SESTD1: variants seen among roughly 807,000 people sequenced by gnomAD.
SESTD1 encodes SEC14 and spectrin domain containing 1, also known as SEC14 domain and spectrin repeat-containing protein 1.
SESTD1 carries 43 observed loss-of-function variants against 101.7 expected under a neutral mutation model. The ratio of observed to expected loss-of-function variants is 0.42; its 90% CI spans 0.33 to 0.55. The LOEUF is 0.55. Ranked by LOEUF, SESTD1 falls within the 20% of genes least tolerant of loss-of-function variation. SESTD1 has a pLI of 0.07. For synonymous variants in SESTD1, 283 were observed against 286.8 expected (o/e 0.99, Z 0.13); for missense variants, 647 against 815.1 (o/e 0.79, Z 2.51).
rs1253335721 is a variant in SESTD1, at chr2:179,202,559, G to T, written c.-25-10693C>A. Among the ~76,000 whole-genome samples, 7 of 134,562 alleles carry T rather than the reference G, an allele frequency of 5.2e-5. 2 individuals carry two copies. The highest frequency in any genetic ancestry group is 1.4e-4 in the Admixed American group (2 of 13,882). The allele number at this position is 134,562 out of a possible 152,430, so 88.3% of individuals were successfully genotyped here. On this transcript the variant is annotated intron_variant, in intron 1 of 17. Coordinates refer to ENST00000428443, the MANE Select transcript of SESTD1 (RefSeq NM_178123.5). ...CTCCCCTGCTGAACACATACTTTCT[G>T]TGTCTAATTAAATTCAAACACTTTT...
chr2:179,216,839 A>G (rs2046728157), intron 1 of SESTD1, among the ~76,000 whole-genome samples: 1 of 135,608 alleles, frequency 7.4e-6, no homozygotes. Context: ...CACATCTACA[A>G]CCATCTGATC....
chr2:179,152,852 C>T (rs2045556842), intron 5 of SESTD1, among the ~76,000 whole-genome samples: 1 of 151,868 alleles, frequency 6.6e-6, no homozygotes, highest in Non-Finnish European at 1.5e-5. Context: ...AGTGACCCAT[C>T]TAAGAAGTCA....
chr2:179,121,887 A>G lies in SESTD1; in HGVS notation c.1325T>C (p.Leu442Pro), dbSNP rs2044760476. ...QGLREKGQGL[L>P]DQISNQASWA... ...GGATGCCTGATTGGAGATCTGATCC[A>G]GGAGACCTTGACCTTTTTCACGCAA... The change falls in exon 13 of 18, where the codon CTG (leucine) becomes CCG (proline). Residue 442 changes from leucine (L) to proline (P), a missense_variant. Physicochemically the swap from Leu to Pro is moderately conservative, Grantham distance 98. Transcript: ENST00000428443. 6.2e-7 allele frequency: 1 copy of G among 1,608,400 alleles called. No homozygotes were observed. Among genetic ancestry groups the G allele is most frequent in the Non-Finnish European group, 8.5e-7 (1 of 1,177,842 alleles).
At chr2:179,237,811 A>C (rs975069710) in intron 1 of SESTD1, among the ~76,000 whole-genome samples, 2 of 152,156 alleles carry the variant, frequency 1.3e-5, no homozygotes, top group Admixed American at 6.6e-5. Flanking sequence ...CATGGGAGTC[A>C]GTATCTTTAT....
At chr2:179,198,716 A>G (rs985947750) in intron 1 of SESTD1, among the ~76,000 whole-genome samples, 1 of 152,062 alleles carries the variant, frequency 6.6e-6, no homozygotes, top group Non-Finnish European at 1.5e-5. Flanking sequence ...CTGGGTACAT[A>G]ACGAAATGAA....
chr2:179,234,627 G>C (rs62177330), intron 1 of SESTD1, among the ~76,000 whole-genome samples: 1 of 151,828 alleles, frequency 6.6e-6, no homozygotes, highest in Admixed American at 6.6e-5. Flanking sequence ...AAAATAGTAC[G>C]AGTATACATC....
intron 8 of SESTD1, 118 bp from the exon 9 acceptor site, chr2:179,143,921 G>A (rs2045339265): frequency 1.0e-6 from 1 of 992,022 alleles, no homozygotes; most frequent in Admixed American, 2.8e-5. Flanking sequence ...TATCTACCAG[G>A]TTATAAATGG....
Position 179,213,845 on chromosome 2 carries a change from A to C in SESTD1, c.-25-21979T>G, listed in dbSNP as rs367597625. Among the ~76,000 whole-genome samples, 5 of 135,426 alleles carry C rather than the reference A, an allele frequency of 3.7e-5. No individual in the cohort carries two copies. In the East Asian group the frequency reaches 6.0e-4, roughly 16 times the overall value. 88.8% of individuals were successfully genotyped at this position (135,426 alleles called of 152,430 possible). On this transcript the variant is annotated intron_variant, in intron 1 of 17. Transcript: ENST00000428443. The stretch of plus-strand genomic sequence containing the variant: ...AATATTCACCATTCTTAAAGAAAAG[A>C]ATTTTCAACCCAGAATTTCATATCC...
Position 179,122,729 on chromosome 2 carries a change from T to A in SESTD1, c.1283-800A>T, listed in dbSNP as rs559261826. On this transcript the variant is annotated intron_variant, in intron 12 of 17. Coordinates refer to ENST00000428443, the MANE Select transcript of SESTD1 (RefSeq NM_178123.5). ...ACATGGCAAAACCCCATGTCTACTA[T>A]AACTACCAATACAAAAATTAGCCGG... 1.6e-4 allele frequency among the ~76,000 whole-genome samples: 24 copies of A among 152,004 alleles called. No individual in the cohort carries two copies. In the South Asian group the frequency reaches 4.2e-3, roughly 26 times the overall value.
intron 8 of SESTD1, 70 bp downstream of exon 8, chr2:179,146,332 G>C (rs2045394508): frequency 1.5e-6 from 2 of 1,376,978 alleles, no homozygotes; most frequent in Non-Finnish European, 1.0e-6. Context: ...CTGAATTCAT[G>C]TTTATTTAAT....
chr2:179,138,870 C>CAAAAAAAAAAAAA (rs61703699), intron 9 of SESTD1, among the ~76,000 whole-genome samples: 1 of 65,538 alleles, frequency 1.5e-5, no homozygotes, highest in African/African-American at 4.4e-5. Context: ...AACCCTGTCT[C>CAAAAAAAAAAAAA]AAAAAAAAAA....
chr2:179,126,300 A>AT (rs1366419799), intron 10 of SESTD1, among the ~76,000 whole-genome samples: 1 of 152,124 alleles, frequency 6.6e-6, no homozygotes, highest in African/African-American at 2.4e-5. Flanking sequence ...CCAATGGTCA[A>AT]TTCTCAGTCT....
intron 1 of SESTD1, among the ~76,000 whole-genome samples, chr2:179,220,898 T>C (rs2046804994): frequency 1.3e-5 from 2 of 152,188 alleles, no homozygotes; most frequent in Non-Finnish European, 1.5e-5. Flanking sequence ...AGACTAAATG[T>C]AATATTCCAG....
chr2:179,108,190 G>A lies in SESTD1; in HGVS notation c.*1709C>T, dbSNP rs1031175426. 1 of 152,142 alleles carries A rather than the reference G, an allele frequency of 6.6e-6. No homozygotes were observed. Among genetic ancestry groups the A allele is most frequent in the Non-Finnish European group, 1.5e-5 (1 of 68,020 alleles). 9.4% of individuals were successfully genotyped at this position (152,142 alleles called of 1,614,324 possible). On this transcript the variant is annotated 3_prime_UTR_variant, in exon 18 of 18. Coordinates refer to ENST00000428443, the MANE Select transcript of SESTD1 (RefSeq NM_178123.5). ...ATTGGTATAAAATAAAAACTCTAAG[G>A]ATGAGATACCGAGAAAAGAGCCAAA... is the stretch of plus-strand genomic sequence containing the variant.
chr2:179,258,723 C>A (rs1336885735), intron 1 of SESTD1, among the ~76,000 whole-genome samples: 4 of 152,170 alleles, frequency 2.6e-5, no homozygotes, highest in African/African-American at 9.7e-5. Flanking sequence ...CAAACCAGCT[C>A]TGACCACTAA....
chr2:179,170,714 G>A (rs2045916730), intron 5 of SESTD1, among the ~76,000 whole-genome samples: 1 of 152,174 alleles, frequency 6.6e-6, no homozygotes, highest in South Asian at 2.1e-4. Context: ...TAATTAGAGA[G>A]TTGAAACTTT....
At position 179,256,331 on chromosome 2, in the gene SESTD1, G is replaced by C. The variant is rs140578396; in HGVS notation, c.-26+8168C>G. On this transcript the variant is annotated intron_variant, in intron 1 of 17. Transcript: ENST00000428443. ...TTAAGAACATTTGTGATTCATGGGA[G>C]GAGGTCAAAATATACTGACATGAAT... Among the ~76,000 whole-genome samples, 308 of 152,248 alleles carry C rather than the reference G, an allele frequency of 2.0e-3. 1 individual carries two copies. The highest frequency in any genetic ancestry group is 6.9e-3 in the African/African-American group (286 of 41,566).
intron 1 of SESTD1, among the ~76,000 whole-genome samples, chr2:179,216,426 A>G (rs2046721928): frequency 7.4e-6 from 1 of 135,000 alleles, no homozygotes; most frequent in Non-Finnish European, 1.6e-5. Context: ...CTTACAACGG[A>G]TGTGAAGGAC....
chr2:179,169,792 T>C (rs2083991612), intron 5 of SESTD1, among the ~76,000 whole-genome samples: 1 of 151,926 alleles, frequency 6.6e-6, no homozygotes, highest in African/African-American at 2.4e-5. Context: ...ATGACTAACG[T>C]AGAGAAACCC....
Sources: allele counts gnomAD v4.1 joint callset (sites outside exome capture counted in the v4.1 genomes callset), GRCh38; gene constraint gnomAD v4.1.1; transcripts MANE v1.5; gene names NCBI Gene and HGNC (gene_info 2026-07-23, HGNC 2026-07-21).